The following TNS3 variants were observed in gnomAD, a reference collection of about 807,000 sequenced individuals.
The protein encoded by TNS3 is tensin 3, also known as tensin-3.
A neutral mutation model predicts 140.9 loss-of-function variants in TNS3; 45 were observed. The ratio of observed to expected loss-of-function variants is 0.32; its 90% CI spans 0.25 to 0.41. The LOEUF (loss-of-function observed/expected upper bound fraction) is 0.41. TNS3 is among the 10% of genes least tolerant of loss of function. The pLI, the probability that TNS3 is intolerant of heterozygous loss-of-function variation, is 1.00. For synonymous variants in TNS3, 815 were observed against 788.4 expected (o/e 1.03, Z -0.56); for missense variants, 1,716 against 1,906.7 (o/e 0.90, Z 1.86).
At chr7:47,520,566 G>A (rs1286069360) in intron 2 of TNS3, among the ~76,000 whole-genome samples, 2 of 152,202 alleles carry the variant, frequency 1.3e-5, no homozygotes, top group Admixed American at 1.3e-4. Flanking sequence ...CACAGAGTTA[G>A]AAAACAGGAA....
intron 1 of TNS3, among the ~76,000 whole-genome samples, chr7:47,565,095 T>A: frequency 6.6e-6 from 1 of 151,620 alleles, no homozygotes; most frequent in East Asian, 1.9e-4. Context: ...TTTTTTTTTT[T>A]GAGACAGAGT....
intron 20 of TNS3, among the ~76,000 whole-genome samples, chr7:47,326,494 C>T (rs1584406117): frequency 6.6e-6 from 1 of 152,088 alleles, no homozygotes; most frequent in Non-Finnish European, 1.5e-5. Context: ...TAGGAAGGCA[C>T]AGGTACTCTG....
rs80047337 is a variant in TNS3 at position 47,527,305 on chromosome 7, G to A, written c.-153+1731C>T. 2.3e-4 allele frequency among the ~76,000 whole-genome samples: 35 copies of A among 152,252 alleles called. No individual in the cohort carries two copies. In the East Asian group the frequency reaches 6.8e-3, roughly 29 times the overall value. On this transcript the variant is annotated intron_variant, in intron 2 of 30. Coordinates refer to ENST00000311160, the MANE Select transcript of TNS3 (RefSeq NM_022748.12). ...TATGAGAATGACATTCAAAGATGGG[G>A]AGACTCCTTGGGCTTCTATTTTTGC... is the stretch of plus-strand genomic sequence containing the variant.
At position 47,423,783 on chromosome 7, in the gene TNS3, C is replaced by T. The variant is rs1420648016; in HGVS notation, c.473+318G>A. Among the ~76,000 whole-genome samples, 3 of 152,178 alleles carry T rather than the reference C, an allele frequency of 2.0e-5. No individual in the cohort carries two copies. In the East Asian group the frequency reaches 5.8e-4, roughly 29 times the overall value. ...TGACCCCTGGTCTAGCCAATAGAACCAAGTTCCAACATAATAATGGAAATC... is the reference window on the plus strand; with the variant it reads ...TGACCCCTGGTCTAGCCAATAGAACTAAGTTCCAACATAATAATGGAAATC... On this transcript the variant is annotated intron_variant, in intron 10 of 30. Transcript: ENST00000311160.
chr7:47,365,977 T>C (rs921124060), intron 17 of TNS3, among the ~76,000 whole-genome samples: 1 of 152,136 alleles, frequency 6.6e-6, no homozygotes, highest in Non-Finnish European at 1.5e-5. Context: ...AAGAGACTAC[T>C]ATATGTTAAC....
chr7:47,582,148 G>C (rs974029835), upstream of TNS3: 5 of 150,664 alleles, frequency 3.3e-5, no homozygotes, highest in Non-Finnish European at 5.9e-5. Context: ...GCTGGCTGCC[G>C]GCGCCCGCGG....
intron 24 of TNS3, among the ~76,000 whole-genome samples, chr7:47,294,777 C>T (rs1785909911): frequency 6.6e-6 from 1 of 152,154 alleles, no homozygotes; most frequent in Admixed American, 6.5e-5. Flanking sequence ...TGATCAGATT[C>T]CATAAAAGGC....
chr7:47,448,476 A>ATT (rs71003401), intron 4 of TNS3, among the ~76,000 whole-genome samples: 3,834 of 129,562 alleles, frequency 0.03, 228 homozygotes, highest in African/African-American at 0.1. Flanking sequence ...TGGGAATTCG[A>ATT]TTTTTTTTTT....
chr7:47,389,565 C>T (rs1230274294), intron 16 of TNS3, among the ~76,000 whole-genome samples: 1 of 150,792 alleles, frequency 6.6e-6, no homozygotes, highest in Non-Finnish European at 1.5e-5. Context: ...GATGGCGGCT[C>T]AGGGACTGGA....
chr7:47,543,619 G>A (rs1799849475), intron 1 of TNS3, among the ~76,000 whole-genome samples: 2 of 152,158 alleles, frequency 1.3e-5, no homozygotes, highest in African/African-American at 4.8e-5. Flanking sequence ...AGCAGGACTT[G>A]AAAGCAGTAC....
chr7:47,358,269 C>G (rs1401845354), intron 17 of TNS3, among the ~76,000 whole-genome samples: 4 of 152,116 alleles, frequency 2.6e-5, no homozygotes, highest in Non-Finnish European at 5.9e-5. Context: ...TCCCGAGTAG[C>G]TGGGACTACA....
rs192421121 is a variant in TNS3 at position 47,480,004 on chromosome 7, G to C, written c.-76+1099C>G. ...TCAGATGGGCAGGGGGCAAGGGCAA[G>C]GCCCAGCCACTGGAGCCAGGATCTG... is the stretch of plus-strand genomic sequence containing the variant. On this transcript the variant is annotated intron_variant, in intron 4 of 30. Coordinates refer to ENST00000311160, the MANE Select transcript of TNS3 (RefSeq NM_022748.12). 1.5e-3 allele frequency among the ~76,000 whole-genome samples: 236 copies of C among 152,364 alleles called. 1 individual carries two copies. The highest frequency in any genetic ancestry group is 5.5e-3 in the African/African-American group (229 of 41,592).
chr7:47,530,020 A>G (rs1799334729), intron 1 of TNS3, among the ~76,000 whole-genome samples: 1 of 152,244 alleles, frequency 6.6e-6, no homozygotes, highest in South Asian at 2.1e-4. Flanking sequence ...TATAAACTTA[A>G]ACATACACCT....
chr7:47,293,179 T>C (rs1247809292), intron 25 of TNS3, among the ~76,000 whole-genome samples: 1 of 152,266 alleles, frequency 6.6e-6, no homozygotes, highest in Non-Finnish European at 1.5e-5. Context: ...TACAGTTTGT[T>C]GGATCTTGAA....
intron 4 of TNS3, chr7:47,453,025 C>G (rs1179890919): frequency 3.0e-6 from 3 of 985,568 alleles, no homozygotes; most frequent in Non-Finnish European, 3.6e-6. Flanking sequence ...CTGCTTTAGT[C>G]AAGCACACCC....
At chr7:47,339,769 ATCTGG>A (rs1788843038) in intron 20 of TNS3, among the ~76,000 whole-genome samples, 1 of 151,986 alleles carries the variant, frequency 6.6e-6, no homozygotes, top group African/African-American at 2.4e-5. Flanking sequence ...CTGTCTGTCA[ATCTGG>A]AAAGAAGTGA....
intron 1 of TNS3, among the ~76,000 whole-genome samples, chr7:47,577,394 A>G (rs546635794): frequency 2.4e-4 from 36 of 152,326 alleles, no homozygotes; most frequent in African/African-American, 8.7e-4. Flanking sequence ...AGAGTAAAGA[A>G]AGGCCCAGCC....
chr7:47,484,694 A>G (rs1797547195), intron 3 of TNS3, among the ~76,000 whole-genome samples: 1 of 152,184 alleles, frequency 6.6e-6, no homozygotes, highest in East Asian at 1.9e-4. Flanking sequence ...CCACTGATCT[A>G]CAGGCTGCCC....
At chr7:47,370,346 G>A (rs559887684) in intron 16 of TNS3, among the ~76,000 whole-genome samples, 1 of 152,336 alleles carries the variant, frequency 6.6e-6, no homozygotes, top group East Asian at 1.9e-4. Context: ...AATGAAAAGA[G>A]AAAGTGCAGG....
Sources: gnomAD v4.1 joint callset for allele counts (sites outside exome capture counted in the v4.1 genomes callset) on GRCh38, gnomAD v4.1.1 for gene constraint, MANE v1.5 for transcripts, NCBI Gene and HGNC (gene_info 2026-07-23, HGNC 2026-07-21) for gene names.